The following UBE2F variants were observed in gnomAD, a reference collection of about 807,000 sequenced individuals.
The protein encoded by UBE2F is ubiquitin conjugating enzyme E2 F (putative).
In UBE2F, 5 loss-of-function variants were observed where a neutral mutation model predicts 29.6. The ratio of observed to expected loss-of-function variants is 0.17; its 90% CI spans 0.09 to 0.36. The LOEUF (loss-of-function observed/expected upper bound fraction) is 0.36, where lower values mean the gene tolerates loss of function less well. Among genes scored for constraint, UBE2F ranks in the 10% least tolerant of loss-of-function variants. UBE2F has a pLI of 1.00. For missense variants in UBE2F, 141 were observed against 228.5 expected (o/e 0.62, Z 2.47); for synonymous variants, 66 against 81.8 (o/e 0.81, Z 1.04).
intron 4 of UBE2F, among the ~76,000 whole-genome samples, chr2:238,013,352 T>C (rs2064083889): frequency 2.0e-5 from 3 of 152,296 alleles, no homozygotes; most frequent in South Asian, 2.1e-4. Flanking sequence ...AAAGCAAATA[T>C]AGGGAAAAGC....
chr2:237,983,624 CTTCCCG>C (rs2063421389), intron 2 of UBE2F, among the ~76,000 whole-genome samples: 1 of 152,146 alleles, frequency 6.6e-6, no homozygotes, highest in Non-Finnish European at 1.5e-5. Context: ...TCCATTGCCC[CTTCCCG>C]TTGCCTCCTT....
Position 237,996,476 on chromosome 2 carries a change from G to GTTTTT in UBE2F, c.214+1679_214+1683dup, listed in dbSNP as rs11293005. Reference sequence around the variant, plus strand: ...TGTTTCTTCCCCGCCTCCCCTCCGCGTTTTTTTTTTTTTTTTGAGACCAAG... The same window carrying GTTTTT: ...TGTTTCTTCCCCGCCTCCCCTCCGCGTTTTTTTTTTTTTTTTTTTTTGAGACCAAG... On this transcript the variant is annotated intron_variant, in intron 4 of 9. Coordinates refer to ENST00000272930, the MANE Select transcript of UBE2F (RefSeq NM_080678.3). 2.2e-5 allele frequency among the ~76,000 whole-genome samples: 3 copies of GTTTTT among 138,418 alleles called. 1 individual carries two copies. The allele number at this position is 138,418 out of a possible 152,430, so 90.8% of individuals were successfully genotyped here.
chr2:238,039,232 T>G (rs1354312761), intron 9 of UBE2F, among the ~76,000 whole-genome samples: 1 of 151,998 alleles, frequency 6.6e-6, no homozygotes, highest in Non-Finnish European at 1.5e-5. Flanking sequence ...CGAAACTCCA[T>G]CTCAAAAAAA....
At chr2:238,024,871 T>C (rs1287392556) in intron 5 of UBE2F, among the ~76,000 whole-genome samples, 2 of 152,188 alleles carry the variant, frequency 1.3e-5, no homozygotes, top group African/African-American at 4.8e-5. Context: ...ATCCAGCAAA[T>C]GGAACAGGCT....
intron 3 of UBE2F, chr2:237,990,405 T>A (rs764841362): frequency 4.8e-5 from 13 of 268,154 alleles, no homozygotes; most frequent in South Asian, 4.7e-4. Flanking sequence ...ATGTAAACCT[T>A]TTTTTTTTTT....
chr2:238,004,932 G>C (rs970474707), intron 4 of UBE2F, among the ~76,000 whole-genome samples: 5 of 152,176 alleles, frequency 3.3e-5, no homozygotes, highest in Non-Finnish European at 5.9e-5. Context: ...GATGCTGGCA[G>C]CTTCTGACCG....
rs1446774212 is a variant in UBE2F, at chr2:237,967,242, CCGCCGGGTTCCTCA to C, written c.-17+118_-17+131del. 1.3e-6 allele frequency: 1 copy of C among 745,198 alleles called. No individual in the cohort carries two copies. Among genetic ancestry groups the C allele is most frequent in the Middle Eastern group, 6.6e-4 (1 of 1,516 alleles). The allele number at this position is 745,198 out of a possible 1,614,324, so 46.2% of individuals were successfully genotyped here. A position where few individuals can be genotyped will look rare whatever the true frequency, so the allele number is the denominator to read the frequency against. On this transcript the variant is annotated intron_variant, in intron 1 of 9. Coordinates refer to ENST00000272930, the MANE Select transcript of UBE2F (RefSeq NM_080678.3). The surrounding 1 kb of genome is among the most constrained non-coding windows in gnomAD (Gnocchi z 6.3). ...GGGCGGTGGCGGGGCCGCCTCGGGC[CCGCCGGGTTCCTCA>C]CGCCGGGGGCCTGGCGGGCGCGGGC...
Position 237,990,220 on chromosome 2 carries a change from T to TG in UBE2F, c.148+2235dup, listed in dbSNP as rs200121737. 4.0e-3 allele frequency among the ~76,000 whole-genome samples: 590 copies of TG among 149,146 alleles called. 4 individuals carry two copies. The highest frequency in any genetic ancestry group is 0.013 in the African/African-American group (542 of 40,472). ...AAGACAAACAATAAACAAATAACTG[T>TG]GGGGGGGCAGGATAGACAAGCAAAA... On this transcript the variant is annotated intron_variant, in intron 3 of 9. Coordinates refer to ENST00000272930, the MANE Select transcript of UBE2F (RefSeq NM_080678.3).
In UBE2F at chr2:238,025,329, C is replaced by G; in HGVS notation, c.283-13C>G. The G allele has an allele frequency of 6.2e-7, 1 of 1,612,978 alleles. No individual in the cohort carries two copies. The highest frequency in any genetic ancestry group is 8.5e-7 in the Non-Finnish European group (1 of 1,179,082). On this transcript the variant is annotated splice_polypyrimidine_tract_variant and intron_variant, in intron 5 of 9. Coordinates refer to ENST00000272930, the MANE Select transcript of UBE2F (RefSeq NM_080678.3). ...CTGTCGGCGTGATCTCTCTCATTGT[C>G]TCTGTGTTGCAGCCTCCCAAAGTGA...
chr2:237,976,752 C>T (rs1466837215), intron 2 of UBE2F, among the ~76,000 whole-genome samples: 2 of 152,132 alleles, frequency 1.3e-5, no homozygotes, highest in African/African-American at 4.8e-5. Flanking sequence ...GATTAAGCTT[C>T]AGCATGAATT....
At chr2:238,002,607 A>G (rs1358760163) in intron 4 of UBE2F, among the ~76,000 whole-genome samples, 9 of 151,668 alleles carry the variant, frequency 5.9e-5, no homozygotes, top group Non-Finnish European at 1.2e-4. Flanking sequence ...CCATGCATGA[A>G]CATTTTGTTT....
intron 3 of UBE2F, among the ~76,000 whole-genome samples, chr2:237,989,422 G>A (rs1437535591): frequency 1.3e-5 from 2 of 151,852 alleles, no homozygotes; most frequent in East Asian, 1.9e-4. Flanking sequence ...GTGAGATCTC[G>A]GTTCACTGCA....
In UBE2F at chr2:238,042,369, A is replaced by G. The variant is rs1021208349; in HGVS notation, c.*1031A>G. 32 of 152,268 alleles carry G rather than the reference A, an allele frequency of 2.1e-4. No individual in the cohort carries two copies. The highest frequency in any genetic ancestry group is 7.7e-4 in the African/African-American group (32 of 41,462). The allele number at this position is 152,268 out of a possible 1,614,324, so 9.4% of individuals were successfully genotyped here. A position where few individuals can be genotyped will look rare whatever the true frequency, so the allele number is the denominator to read the frequency against. On this transcript the variant is annotated 3_prime_UTR_variant, in exon 10 of 10. Coordinates refer to ENST00000272930, the MANE Select transcript of UBE2F (RefSeq NM_080678.3). ...CAGCCCAATGTCTGATGTCACTGAG[A>G]CTGTACCTGTGGCCTTCTTCTGAGT...
intron 4 of UBE2F, among the ~76,000 whole-genome samples, chr2:238,010,659 C>T (rs1296205173): frequency 6.6e-6 from 1 of 152,150 alleles, no homozygotes; most frequent in Non-Finnish European, 1.5e-5. Flanking sequence ...AAGGCTTCAC[C>T]CTGTCTTTGG....
chr2:237,989,292 A>G (rs10048643), intron 3 of UBE2F, among the ~76,000 whole-genome samples: 130,668 of 152,164 alleles, frequency 0.86, 56,262 homozygotes, highest in East Asian at 0.97. Flanking sequence ...ATAATGGTGG[A>G]TTGCAACCTC....
In UBE2F at chr2:237,999,088, A is replaced by AT. The variant is rs1042402210; in HGVS notation, c.214+4291dup. ...AGGAATTTCTTTTATTTATTTATTT[A>AT]TTTTTTTTTTTTGAGACAGAGTCTC... On this transcript the variant is annotated intron_variant, in intron 4 of 9. Transcript: ENST00000272930. Among the ~76,000 whole-genome samples the AT allele has an allele frequency of 2.5e-4, 38 of 150,206 alleles. 1 individual carries two copies. In the South Asian group the frequency reaches 4.2e-3, roughly 17 times the overall value.
chr2:237,971,210 C>T (rs1031430652), intron 1 of UBE2F, among the ~76,000 whole-genome samples: 6 of 152,180 alleles, frequency 3.9e-5, no homozygotes, highest in African/African-American at 1.4e-4. Flanking sequence ...TCAAGCTTTT[C>T]ACATGGAATT....
In UBE2F at chr2:237,967,048, G is replaced by T; in HGVS notation, c.-101G>T. On this transcript the variant is annotated 5_prime_UTR_variant, in exon 1 of 10. Transcript: ENST00000272930. This position sits in a 1 kb window ranked among gnomAD's most constrained non-coding sequence, Gnocchi z 6.3. ...CCCGCCGCCGGGAGCCGGTGCGGCTGTGAGGGGCCGCGTCTCGCAGCAGCC... is the reference window on the plus strand; with the variant it reads ...CCCGCCGCCGGGAGCCGGTGCGGCTTTGAGGGGCCGCGTCTCGCAGCAGCC... 1 of 1,312,764 alleles carries T rather than the reference G, an allele frequency of 7.6e-7. No individual in the cohort carries two copies. Among genetic ancestry groups the T allele is most frequent in the Non-Finnish European group, 9.7e-7 (1 of 1,031,012 alleles). 81.3% of individuals were successfully genotyped at this position (1,312,764 alleles called of 1,614,324 possible).
In UBE2F at chr2:238,041,290, G is replaced by T. The variant is rs763980597; in HGVS notation, c.510G>T (p.Glu170Asp). ...TCCCCAATGCTGTTACTCCACAGGA[G>T]GACTTCCGGAATAAAGTGGATGACT... Reference protein sequence around the residue: ...EAAEHHLRDKEDFRNKVDDYI... With the variant: ...EAAEHHLRDKDDFRNKVDDYI... Residue 170 changes from glutamate (E) to aspartate (D), a missense_variant and splice_region_variant, in exon 10 of 10, where the codon GAG (glutamate) becomes GAT (aspartate). By Grantham distance (45) the Glu-to-Asp change is conservative. Transcript: ENST00000272930. 1 of 1,613,880 alleles carries T rather than the reference G, an allele frequency of 6.2e-7. No homozygotes were observed. The highest frequency in any genetic ancestry group is 1.1e-5 in the South Asian group (1 of 91,066).
Sources: gnomAD v4.1 joint callset for allele counts (sites outside exome capture counted in the v4.1 genomes callset) on GRCh38, gnomAD v4.1.1 for gene constraint, Gnocchi (gnomAD v3.1) non-coding constraint, MANE v1.5 for transcripts, NCBI Gene and HGNC (gene_info 2026-07-23, HGNC 2026-07-21) for gene names.